Variants in RCC1 observed in about 807,000 individuals in gnomAD.
RCC1 encodes regulator of chromosome condensation.
A neutral mutation model predicts 44.4 loss-of-function variants in RCC1; 11 were observed. The ratio of observed to expected loss-of-function variants is 0.25; its 90% CI spans 0.16 to 0.41. The LOEUF is 0.41. RCC1 is among the 10% of genes least tolerant of loss of function. The pLI is 1.00. For missense variants in RCC1, 386 were observed against 547.1 expected, an observed-to-expected ratio of 0.71 and a Z score of 2.94; for synonymous variants, 213 against 216.5, an observed-to-expected ratio of 0.98 and a Z score of 0.14.
At chr1:28,537,153 T>C (rs1324868114) in intron 12 of RCC1, among the ~76,000 whole-genome samples, 2 of 152,152 alleles carry the variant, frequency 1.3e-5, no homozygotes, top group African/African-American at 4.8e-5. Flanking sequence ...CACTGAGGCC[T>C]AAGGAGGCAA....
Position 28,535,265 on chromosome 1 carries a change from C to G in RCC1, c.546C>G (p.Asp182Glu). ...TTACCTTTTCATCCTTAGGAAACGACCACTTGGTGATGCTGACAGCTGATG... is the reference window on the plus strand; with the variant it reads ...TTACCTTTTCATCCTTAGGAAACGAGCACTTGGTGATGCTGACAGCTGATG... ...VPVVKVASGN[D>E]HLVMLTADGD... The change falls in exon 9 of 13, where the codon GAC becomes GAG. Residue 182 changes from aspartate to glutamate, a missense_variant. Transcript: ENST00000683442. 6.2e-7 allele frequency: 1 copy of G among 1,614,180 alleles called. No homozygotes were observed. The highest frequency in any genetic ancestry group is 1.1e-5 in the South Asian group (1 of 91,076).
In RCC1 at chr1:28,506,099, T is replaced by C; in HGVS notation, c.-262+15T>C. 2.2e-6 allele frequency: 1 copy of C among 455,766 alleles called. No individual in the cohort carries two copies. Among genetic ancestry groups the C allele is most frequent in the South Asian group, 1.5e-5 (1 of 64,556 alleles). 28.2% of individuals were successfully genotyped at this position (455,766 alleles called of 1,614,324 possible). On this transcript the variant is annotated intron_variant, in intron 1 of 12. Transcript: ENST00000683442. ...TCTTCTCCTTGGTAAGTGTGATCCT[T>C]GGTAAGTGTGATCAGATGCTTGCCA...
chr1:28,527,113 T>G, intron 4 of RCC1: 1 of 1,155,768 alleles, frequency 8.7e-7, no homozygotes, highest in South Asian at 1.3e-5. Flanking sequence ...TTTGTCAAAC[T>G]TGTTCTTCCA....
At position 28,526,587 on chromosome 1, in the gene RCC1, C is replaced by A. The variant is rs539780192; in HGVS notation, c.-9-3271C>A. Reference sequence around the variant, plus strand: ...ACTAGAAGCAACAATTTCTGTAGGACACACAAAGGTGAAATCCAAAGGATA... The same window carrying A: ...ACTAGAAGCAACAATTTCTGTAGGAAACACAAAGGTGAAATCCAAAGGATA... On this transcript the variant is annotated intron_variant, in intron 4 of 12. Coordinates refer to ENST00000683442, the MANE Select transcript of RCC1 (RefSeq NM_001381865.2). 1.4e-4 allele frequency: 80 copies of A among 558,428 alleles called. 1 individual carries two copies. In the South Asian group the frequency reaches 1.6e-3, roughly 11 times the overall value. 34.6% of individuals were successfully genotyped at this position (558,428 alleles called of 1,614,324 possible). A position where few individuals can be genotyped will look rare whatever the true frequency, so the allele number is the denominator to read the frequency against.
intron 5 of RCC1, 55 bp from the exon 6 acceptor site, chr1:28,531,748 C>A: frequency 1.4e-6 from 2 of 1,425,680 alleles, no homozygotes; most frequent in Non-Finnish European, 1.9e-6. Context: ...AGCCTGTGAC[C>A]TCTCCTCGCT....
chr1:28,517,678 A>G (rs1262446702), intron 4 of RCC1, among the ~76,000 whole-genome samples: 1 of 151,712 alleles, frequency 6.6e-6, no homozygotes, highest in East Asian at 1.9e-4. Context: ...GACACACAAG[A>G]CCCTGTATCC....
chr1:28,516,519 G>C (rs978523779), intron 3 of RCC1, among the ~76,000 whole-genome samples: 9 of 144,250 alleles, frequency 6.2e-5, no homozygotes, highest in Non-Finnish European at 9.1e-5. Context: ...AAAAAAAAAA[G>C]AGTTGAGGTC....
At chr1:28,524,958 C>T (rs764417929) in intron 4 of RCC1, among the ~76,000 whole-genome samples, 13 of 152,088 alleles carry the variant, frequency 8.5e-5, no homozygotes, top group Non-Finnish European at 1.6e-4. Flanking sequence ...GACAAAACCC[C>T]CCAGACACCC....
chr1:28,507,620 T>G, intron 1 of RCC1: 1 of 446,410 alleles, frequency 2.2e-6, no homozygotes, highest in African/African-American at 2.3e-5. Flanking sequence ...TTTTTTTTTT[T>G]TGGAGATGGA....
intron 4 of RCC1, chr1:28,526,902 A>G: frequency 2.7e-6 from 2 of 727,606 alleles, no homozygotes; most frequent in South Asian, 1.6e-5. Flanking sequence ...GTCTCGGAAA[A>G]AAAAAAAAAA....
At position 28,508,840 on chromosome 1, in the gene RCC1, G is replaced by A. The variant is rs755281020; in HGVS notation, c.-218G>A. The A allele has an allele frequency of 1.5e-5, 8 of 517,518 alleles. No homozygotes were observed. Among genetic ancestry groups the A allele is most frequent in the African/African-American group, 5.8e-5 (3 of 51,778 alleles). The allele number at this position is 517,518 out of a possible 1,614,324, so 32.1% of individuals were successfully genotyped here. The stretch of plus-strand genomic sequence containing the variant: ...TTTCTTTTCTTTTAGGAGAGAAGAC[G>A]ATCTGCACTTCGCATTTTGGCATTG... On this transcript the variant is annotated 5_prime_UTR_variant, in exon 3 of 13. Transcript: ENST00000683442.
At position 28,538,102 on chromosome 1, in the gene RCC1, G is replaced by T; in HGVS notation, c.*95G>T. ...GCAGATGGCAGCGGGCCTCTCCCCA[G>T]CCCTGAGCACTGTGTCAGTTCCTGC... On this transcript the variant is annotated 3_prime_UTR_variant, in exon 13 of 13. Transcript: ENST00000683442. 1 of 1,143,830 alleles carries T rather than the reference G, an allele frequency of 8.7e-7. No individual in the cohort carries two copies. The highest frequency in any genetic ancestry group is 2.6e-5 in the East Asian group (1 of 39,160). The allele number at this position is 1,143,830 out of a possible 1,614,324, so 70.9% of individuals were successfully genotyped here. A position where few individuals can be genotyped will look rare whatever the true frequency, so the allele number is the denominator to read the frequency against.
At chr1:28,514,247 A>G (rs905466728) in intron 3 of RCC1, among the ~76,000 whole-genome samples, 11 of 151,686 alleles carry the variant, frequency 7.3e-5, no homozygotes, top group African/African-American at 2.2e-4. Context: ...TCAGGAGATC[A>G]AGACCGTCTT....
rs145689704 is a variant in RCC1 at position 28,529,899 on chromosome 1, C to T, written c.33C>T (p.Ser11=). Residue 11 remains serine (S), a synonymous_variant, in exon 5 of 13, where the codon TCC becomes TCT. Coordinates refer to ENST00000683442, the MANE Select transcript of RCC1 (RefSeq NM_001381865.2). MSPKRIAKRR[S]PPADAIPKSK... ...CCAAGCGCATAGCTAAAAGAAGGTC[C>T]CCCCCAGCAGATGCCATCCCCAAAA... 54 of 1,613,790 alleles carry T rather than the reference C, an allele frequency of 3.3e-5. No homozygotes were observed. Among genetic ancestry groups the T allele is most frequent in the Non-Finnish European group, 3.6e-5 (42 of 1,179,962 alleles).
intron 4 of RCC1, chr1:28,527,115 G>C: frequency 8.6e-7 from 1 of 1,169,372 alleles, no homozygotes; most frequent in South Asian, 1.3e-5. Flanking sequence ...TGTCAAACTT[G>C]TTCTTCCAGA....
chr1:28,532,810 T>C (rs1450778122), intron 7 of RCC1: 3 of 442,416 alleles, frequency 6.8e-6, no homozygotes, highest in African/African-American at 4.1e-5. Context: ...TTGTTGTTGT[T>C]GTTGTTGTTT....
chr1:28,534,250 G>A (rs988195671), intron 7 of RCC1, among the ~76,000 whole-genome samples: 3 of 151,746 alleles, frequency 2.0e-5, no homozygotes, highest in African/African-American at 4.8e-5. Flanking sequence ...GCGCGATCTC[G>A]GCTCACTGCA....
intron 4 of RCC1, chr1:28,518,779 C>T (rs145809757): frequency 1.3e-5 from 2 of 152,180 alleles, no homozygotes; most frequent in Non-Finnish European, 2.9e-5. Context: ...CGAGGGTCTC[C>T]CGCTGTGGAC....
At position 28,535,067 on chromosome 1, in the gene RCC1, T is replaced by C; in HGVS notation, c.459T>C (p.Ile153=). ...WGSFRDNNGV[I]GLLEPMKKSM... is the part of the protein sequence containing the mutation. ...CCTTCTAGGACAATAACGGTGTGATTGGACTGTTGGAGCCCATGAAGAAGA... is the reference window on the plus strand; with the variant it reads ...CCTTCTAGGACAATAACGGTGTGATCGGACTGTTGGAGCCCATGAAGAAGA... Residue 153 remains isoleucine, a synonymous_variant, in exon 8 of 13, where the codon ATT becomes ATC. Transcript: ENST00000683442. 1 of 1,614,020 alleles carries C rather than the reference T, an allele frequency of 6.2e-7. No individual in the cohort carries two copies. Among genetic ancestry groups the C allele is most frequent in the Non-Finnish European group, 8.5e-7 (1 of 1,179,932 alleles).
Sources: gnomAD v4.1 joint callset for allele counts (sites outside exome capture counted in the v4.1 genomes callset) on GRCh38, gnomAD v4.1.1 for gene constraint, MANE v1.5 for transcripts, NCBI Gene and HGNC (gene_info 2026-07-23, HGNC 2026-07-21) for gene names.